TRAPPC8: variants seen among roughly 807,000 people sequenced by gnomAD.
TRAPPC8 encodes the protein general sporulation gene 1 homolog.
A neutral mutation model predicts 174.3 loss-of-function variants in TRAPPC8; 54 were observed. The observed-to-expected ratio is 0.31, with a 90% CI of 0.25 to 0.39. The LOEUF (loss-of-function observed/expected upper bound fraction) is 0.39, where lower values mean the gene tolerates loss of function less well. Among genes scored for constraint, TRAPPC8 ranks in the 10% least tolerant of loss-of-function variants. The probability of loss-of-function intolerance (pLI) is 1.00; values close to 1 mark genes in which losing one functional copy is unlikely to be tolerated. For missense variants in TRAPPC8, 1,531 were observed against 1,699.1 expected (o/e 0.90, Z 1.74); for synonymous variants, 630 against 579.9 (o/e 1.09, Z -1.24).
At chr18:31,897,407 C>G (rs976417847) in intron 11 of TRAPPC8, among the ~76,000 whole-genome samples, 4 of 152,028 alleles carry the variant, frequency 2.6e-5, no homozygotes, top group Non-Finnish European at 5.9e-5. Flanking sequence ...AGCTTTATCT[C>G]CCTAGCAAGC....
chr18:31,889,843 T>C (rs1474300944), intron 12 of TRAPPC8, among the ~76,000 whole-genome samples: 4 of 152,324 alleles, frequency 2.6e-5, no homozygotes, highest in African/African-American at 9.6e-5. Context: ...TACATGAAAT[T>C]GAGAGTAATT....
chr18:31,908,568 T>C (rs1389622477), intron 7 of TRAPPC8, 150 bp from the exon 8 acceptor site: 2 of 876,040 alleles, frequency 2.3e-6, no homozygotes, highest in African/African-American at 1.7e-5. Context: ...GGCAAAATCC[T>C]ATTGAAAATG....
intron 9 of TRAPPC8, among the ~76,000 whole-genome samples, chr18:31,901,856 A>G (rs1413359846): frequency 6.6e-6 from 1 of 152,244 alleles, no homozygotes. Flanking sequence ...GCACGTATAT[A>G]CAATGTGCTT....
At position 31,855,758 on chromosome 18, in the gene TRAPPC8, T is replaced by C. The variant is rs781097751; in HGVS notation, c.3238A>G (p.Asn1080Asp). The C allele has an allele frequency of 1.2e-6, 2 of 1,609,572 alleles. No homozygotes were observed. Among genetic ancestry groups the C allele is most frequent in the South Asian group, 2.2e-5 (2 of 89,618 alleles). Residue 1080 changes from asparagine (N) to aspartate (D), a missense_variant, in exon 21 of 29, where the codon AAT (asparagine) becomes GAT (aspartate). Transcript: ENST00000283351. ...TAIICTSRSL[N>D]VRATVCRSNS... ...CTTCTGCAGACAGTGGCCCGTACATTTAAAGACCGACTGGTACAAATAATT... is the reference window on the plus strand; with the variant it reads ...CTTCTGCAGACAGTGGCCCGTACATCTAAAGACCGACTGGTACAAATAATT...
chr18:31,916,449 T>G lies in TRAPPC8; in HGVS notation c.443-3A>C, dbSNP rs774595957. ...ACTAGATGACGCTACCAACATACCTTGTAAACCATATTATTAAGGTAATTA... is the reference window on the plus strand; with the variant it reads ...ACTAGATGACGCTACCAACATACCTGGTAAACCATATTATTAAGGTAATTA... On this transcript the variant is annotated splice_region_variant and splice_polypyrimidine_tract_variant and intron_variant, in intron 3 of 28. Transcript: ENST00000283351. The G allele has an allele frequency of 6.2e-7, 1 of 1,605,798 alleles. No homozygotes were observed. The highest frequency in any genetic ancestry group is 1.1e-5 in the South Asian group (1 of 89,076).
chr18:31,862,800 T>C (rs1327322787), intron 19 of TRAPPC8, among the ~76,000 whole-genome samples: 1 of 151,464 alleles, frequency 6.6e-6, no homozygotes, highest in African/African-American at 2.4e-5. Context: ...ATTAAAAGAG[T>C]TCCCAAGCAC....
At position 31,867,450 on chromosome 18, in the gene TRAPPC8, T is replaced by C. The variant is rs2034639606; in HGVS notation, c.2415A>G (p.Gly805=). ...QLVTSEPEMI[G]AEVISEFLIN... ...TTAAGAACTCTGAAATAACTTCAGC[T>C]CCAATCATTTCAGGTTCACTTGTAA... is the stretch of plus-strand genomic sequence containing the variant. The change falls in exon 17 of 29, where the codon GGA becomes GGG. Residue 805 remains glycine, a synonymous_variant. Coordinates refer to ENST00000283351, the MANE Select transcript of TRAPPC8 (RefSeq NM_014939.5). 1 of 1,608,050 alleles carries C rather than the reference T, an allele frequency of 6.2e-7. No individual in the cohort carries two copies. Among genetic ancestry groups the C allele is most frequent in the South Asian group, 1.1e-5 (1 of 90,532 alleles).
chr18:31,927,701 C>G (rs1778813395), intron 2 of TRAPPC8, among the ~76,000 whole-genome samples: 1 of 152,178 alleles, frequency 6.6e-6, no homozygotes, highest in Admixed American at 6.5e-5. Flanking sequence ...CTATGCCTGG[C>G]CTTAATAAAT....
At chr18:31,913,254 G>A (rs1481828755) in intron 5 of TRAPPC8, 115 bp downstream of exon 5, 2 of 1,194,030 alleles carry the variant, frequency 1.7e-6, no homozygotes, top group South Asian at 1.7e-5. Context: ...ACCTCTGACA[G>A]ATCAAAACTG....
At chr18:31,837,117 G>A (rs181129791) in intron 27 of TRAPPC8, among the ~76,000 whole-genome samples, 8 of 152,130 alleles carry the variant, frequency 5.3e-5, no homozygotes, top group African/African-American at 1.9e-4. Flanking sequence ...ATCTGTATCA[G>A]AGAAAGGAAC....
Position 31,866,951 on chromosome 18 carries a change from G to C in TRAPPC8, c.2488C>G (p.His830Asp), listed in dbSNP as rs138455867. ...KVARLKLFPH[H>D]IGELHILGVV... ...CCCAGAATATGCAGCTCCCCTATGT[G>C]ATGGGGAAAGAGCTTTAGTCTTGCC... Residue 830 changes from histidine (H) to aspartate (D), a missense_variant, in exon 18 of 29, where the codon CAC becomes GAC. Physicochemically the swap from His to Asp is moderately conservative, Grantham distance 81 (BLOSUM62 -1). Transcript: ENST00000283351. 1.9e-6 allele frequency: 3 copies of C among 1,613,536 alleles called. No homozygotes were observed. Among genetic ancestry groups the C allele is most frequent in the African/African-American group, 2.7e-5 (2 of 75,024 alleles).
At chr18:31,834,949 T>C (rs991828452) in intron 27 of TRAPPC8, among the ~76,000 whole-genome samples, 4 of 152,202 alleles carry the variant, frequency 2.6e-5, no homozygotes, top group African/African-American at 7.2e-5. Flanking sequence ...TTTAACTGTA[T>C]TGTCCTCTCA....
chr18:31,897,893 T>C lies in TRAPPC8; in HGVS notation c.1491-2A>G. The stretch of plus-strand genomic sequence containing the variant: ...CATCTTTCAGCCAACACCATATTCC[T>C]ATAGAAAAAAGGACAAGAAGATAAA... On this transcript the variant is annotated splice_acceptor_variant, in intron 10 of 28. Transcript: ENST00000283351. LOFTEE classifies it high-confidence loss of function. The C allele has an allele frequency of 6.2e-7, 1 of 1,607,240 alleles. No individual in the cohort carries two copies. The highest frequency in any genetic ancestry group is 8.5e-7 in the Non-Finnish European group (1 of 1,176,692).
At position 31,840,170 on chromosome 18, in the gene TRAPPC8, C is replaced by T. The variant is rs1204629535; in HGVS notation, c.3838-713G>A. Among the ~76,000 whole-genome samples, 6 of 152,068 alleles carry T rather than the reference C, an allele frequency of 3.9e-5. No homozygotes were observed. The East Asian group carries it at 1.2e-3, about 29-fold the overall frequency. On this transcript the variant is annotated intron_variant, in intron 26 of 28. Coordinates refer to ENST00000283351, the MANE Select transcript of TRAPPC8 (RefSeq NM_014939.5). ...GGCCAGGAGTTGGAGGTTAGCCTGG[C>T]CAACATGGTGAAATGCCATCTACTA...
In TRAPPC8 at chr18:31,866,083, A is replaced by T. The variant is rs673202; in HGVS notation, c.2590+766T>A. On this transcript the variant is annotated intron_variant, in intron 18 of 28. Transcript: ENST00000283351. ...GTGTTCCCACTTTCTCAATGTTAAT[A>T]ATCAGCTTTTGTAAATGCTAAATTC... Among the ~76,000 whole-genome samples, 637 of 152,186 alleles carry T rather than the reference A, an allele frequency of 4.2e-3. 4 individuals carry two copies. Among genetic ancestry groups the T allele is most frequent in the African/African-American group, 0.015 (607 of 41,564 alleles).
intron 11 of TRAPPC8, among the ~76,000 whole-genome samples, chr18:31,893,008 C>T (rs1307684001): frequency 6.8e-6 from 1 of 147,214 alleles, no homozygotes; most frequent in African/African-American, 2.5e-5. Flanking sequence ...ACGAATGACG[C>T]CTTGTCTCAA....
At chr18:31,832,010 G>T in intron 28 of TRAPPC8, 74 bp downstream of exon 28, 1 of 984,584 alleles carries the variant, frequency 1.0e-6, no homozygotes, top group South Asian at 1.7e-5. Context: ...ATCCATGTTA[G>T]GTAATTATTT....
rs540607445 is a variant in TRAPPC8 at position 31,913,297 on chromosome 18, T to C, written c.771+72A>G. ...TCCACACAATTAATATGAATAATTATACTAGTTAAACCAAAACGTAAAAAC... is the reference window on the plus strand; with the variant it reads ...TCCACACAATTAATATGAATAATTACACTAGTTAAACCAAAACGTAAAAAC... On this transcript the variant is annotated intron_variant, in intron 5 of 28. Transcript: ENST00000283351. The C allele has an allele frequency of 3.8e-5, 55 of 1,451,414 alleles. No individual in the cohort carries two copies. In the South Asian group the frequency reaches 7.3e-4, roughly 19 times the overall value. The allele number at this position is 1,451,414 out of a possible 1,614,324, so 89.9% of individuals were successfully genotyped here. A position where few individuals can be genotyped will look rare whatever the true frequency, so the allele number is the denominator to read the frequency against.
At chr18:31,854,033 C>T (rs2033862119) in intron 21 of TRAPPC8, 88 bp from the exon 22 acceptor site, 2 of 967,716 alleles carry the variant, frequency 2.1e-6, no homozygotes, top group African/African-American at 1.7e-5. Context: ...ACACTGCTAC[C>T]AAAGTCAATG....
Sources: gnomAD v4.1 joint callset for allele counts (sites outside exome capture counted in the v4.1 genomes callset) on GRCh38, gnomAD v4.1.1 for gene constraint, MANE v1.5 for transcripts, NCBI Gene and HGNC (gene_info 2026-07-23, HGNC 2026-07-21) for gene names.